PGM5: variants seen among roughly 807,000 people sequenced by gnomAD.
PGM5 encodes the protein phosphoglucomutase-like protein 5.
PGM5 carries 23 observed loss-of-function variants against 59.2 expected under a neutral mutation model. The ratio of observed to expected loss-of-function variants is 0.39; its 90% CI spans 0.28 to 0.55. The LOEUF (loss-of-function observed/expected upper bound fraction) is 0.55, where lower values mean the gene tolerates loss of function less well. Ranked by LOEUF, PGM5 falls within the 20% of genes least tolerant of loss-of-function variation. The pLI is 0.66. For synonymous variants in PGM5, 214 were observed against 286.0 expected, an observed-to-expected ratio of 0.75 and a Z score of 2.54; for missense variants, 574 against 748.3, an observed-to-expected ratio of 0.77 and a Z score of 2.72.
At chr9:68,388,451 C>T (rs1354541202) in intron 4 of PGM5, among the ~76,000 whole-genome samples, 7 of 150,734 alleles carry the variant, frequency 4.6e-5, no homozygotes, top group African/African-American at 1.7e-4. Context: ...TCTGAGCATG[C>T]TGTCATCATG....
chr9:68,520,118 C>T (rs116213356), intron 10 of PGM5, among the ~76,000 whole-genome samples: 1,484 of 148,228 alleles, frequency 0.01, 20 homozygotes, highest in African/African-American at 0.025. Flanking sequence ...ACTATAAGCT[C>T]GTTATAAAAA....
chr9:68,499,267 T>G lies in PGM5; in HGVS notation c.1520T>G (p.Phe507Cys). 1 of 1,614,222 alleles carries G rather than the reference T, an allele frequency of 6.2e-7. No individual in the cohort carries two copies. Among genetic ancestry groups the G allele is most frequent in the South Asian group, 1.1e-5 (1 of 91,088 alleles). ...TTCTCGGATGCATCACGGCTCATCT[T>G]CCGGCTCAGTTCCTCCAGTGGTGTG... Reference protein sequence around the residue: ...IIFSDASRLIFRLSSSSGVRA... With the variant: ...IIFSDASRLICRLSSSSGVRA... Residue 507 changes from phenylalanine (F) to cysteine (C), a missense_variant, in exon 10 of 11, where the codon TTC (phenylalanine) becomes TGC (cysteine). By Grantham distance (205) the Phe-to-Cys change is radical. Around this residue, in one of 7 missense-constraint regions of PGM5, gnomAD observed 300 missense variants for 280.0 expected, o/e 1.07. Coordinates refer to ENST00000396396, the MANE Select transcript of PGM5 (RefSeq NM_021965.4).
intron 1 of PGM5, among the ~76,000 whole-genome samples, chr9:68,364,285 G>C (rs1334276926): frequency 6.6e-6 from 1 of 152,100 alleles, no homozygotes; most frequent in African/African-American, 2.4e-5. Context: ...GCCATGAAAA[G>C]CTGGTTGCTC....
At position 68,483,863 on chromosome 9, in the gene PGM5, A is replaced by G; in HGVS notation, c.1296-2A>G. 6.2e-7 allele frequency: 1 copy of G among 1,613,906 alleles called. No homozygotes were observed. The highest frequency in any genetic ancestry group is 8.5e-7 in the Non-Finnish European group (1 of 1,179,814). ...TTTCTGTTCCTCCTGTGTCCTCACC[A>G]GGTTTGACTATGAGGGGTTGGATCC... On this transcript the variant is annotated splice_acceptor_variant, in intron 8 of 10. Coordinates refer to ENST00000396396, the MANE Select transcript of PGM5 (RefSeq NM_021965.4). LOFTEE classifies it high-confidence loss of function.
intron 10 of PGM5, among the ~76,000 whole-genome samples, chr9:68,502,999 A>G (rs1406856056): frequency 6.6e-6 from 1 of 152,142 alleles, no homozygotes; most frequent in Non-Finnish European, 1.5e-5. Context: ...TTAAGTATGT[A>G]TTTTTGATAA....
chr9:68,427,699 G>A (rs1459684468), intron 6 of PGM5, among the ~76,000 whole-genome samples: 1 of 152,236 alleles, frequency 6.6e-6, no homozygotes, highest in African/African-American at 2.4e-5. Flanking sequence ...GCAAGGGGAT[G>A]TAGAAAGTTT....
intron 9 of PGM5, 125 bp downstream of exon 9, chr9:68,484,173 C>G: frequency 1.3e-6 from 1 of 796,434 alleles, no homozygotes; most frequent in Non-Finnish European, 2.0e-6. Flanking sequence ...AACTGTGCAG[C>G]CAGGAAAGAG....
intron 9 of PGM5, among the ~76,000 whole-genome samples, chr9:68,490,704 A>G (rs1431238844): frequency 2.6e-5 from 4 of 152,218 alleles, no homozygotes; most frequent in African/African-American, 9.6e-5. Flanking sequence ...TTGAGAGACT[A>G]TAATTGTAAC....
intron 7 of PGM5, among the ~76,000 whole-genome samples, chr9:68,472,209 G>T (rs966866842): frequency 2.0e-5 from 3 of 152,142 alleles, no homozygotes; most frequent in Non-Finnish European, 4.4e-5. Flanking sequence ...TGATGAAGTC[G>T]TTGAGGTTTA....
chr9:68,403,378 G>A (rs1174202037), intron 6 of PGM5, among the ~76,000 whole-genome samples: 14 of 152,118 alleles, frequency 9.2e-5, no homozygotes, highest in Admixed American at 2.6e-4. Flanking sequence ...ATATATTACA[G>A]AGTAATAATA....
chr9:68,480,206 G>A (rs1730275779), intron 8 of PGM5, among the ~76,000 whole-genome samples: 4 of 152,172 alleles, frequency 2.6e-5, no homozygotes, highest in Non-Finnish European at 5.9e-5. Flanking sequence ...GGCATTTCTT[G>A]TTGGTTTTCC....
chr9:68,512,651 G>T (rs265085), intron 10 of PGM5, among the ~76,000 whole-genome samples: 86 of 152,210 alleles, frequency 5.7e-4, no homozygotes, highest in African/African-American at 2.0e-3. Flanking sequence ...CAGTCATATT[G>T]GATTAGACCT....
At chr9:68,369,557 A>G (rs1209928889) in intron 1 of PGM5, among the ~76,000 whole-genome samples, 2 of 152,138 alleles carry the variant, frequency 1.3e-5, no homozygotes, top group Non-Finnish European at 1.5e-5. Flanking sequence ...CATACTTCCA[A>G]TTTTCACCAC....
intron 1 of PGM5, among the ~76,000 whole-genome samples, chr9:68,369,898 A>T (rs1439536999): frequency 6.6e-6 from 1 of 152,146 alleles, no homozygotes. Flanking sequence ...TGATGTTTGG[A>T]TAACCACATT....
At chr9:68,389,191 A>T (rs1220494355) in intron 4 of PGM5, among the ~76,000 whole-genome samples, 3 of 152,064 alleles carry the variant, frequency 2.0e-5, no homozygotes, top group Non-Finnish European at 4.4e-5. Context: ...CTCTCTTGTA[A>T]AAACGCATCC....
intron 10 of PGM5, among the ~76,000 whole-genome samples, chr9:68,518,994 T>A (rs1824860576): frequency 6.6e-6 from 1 of 152,224 alleles, no homozygotes; most frequent in South Asian, 2.1e-4. Flanking sequence ...AGGCTAAAAT[T>A]GCAGAAAATC....
intron 2 of PGM5, among the ~76,000 whole-genome samples, chr9:68,382,244 C>T (rs1456387900): frequency 6.6e-6 from 1 of 151,382 alleles, no homozygotes; most frequent in African/African-American, 2.4e-5. Context: ...AATTTTGGAC[C>T]AGGGCACCAA....
chr9:68,379,749 G>T (rs1475622029), intron 2 of PGM5, among the ~76,000 whole-genome samples: 1 of 151,976 alleles, frequency 6.6e-6, no homozygotes. Context: ...GAAAGTAAAG[G>T]GATAGAAGGA....
chr9:68,371,440 T>C (rs1466652722), intron 1 of PGM5, among the ~76,000 whole-genome samples: 1 of 152,196 alleles, frequency 6.6e-6, no homozygotes, highest in Non-Finnish European at 1.5e-5. Context: ...AAAATGGTAC[T>C]TTAAGGGATA....
Sources: allele counts gnomAD v4.1 joint callset (sites outside exome capture counted in the v4.1 genomes callset), GRCh38; gene constraint gnomAD v4.1.1; regional missense constraint gnomAD v4.1.1; transcripts MANE v1.5; gene names NCBI Gene and HGNC (gene_info 2026-07-23, HGNC 2026-07-21).